BABAM2: variants seen among roughly 807,000 people sequenced by gnomAD.
BABAM2 encodes BRISC and BRCA1-A complex member 2.
BABAM2 carries 31 observed loss-of-function variants against 54.7 expected under a neutral mutation model. The ratio of observed to expected loss-of-function variants is 0.57; its 90% confidence interval spans 0.43 to 0.77. BABAM2 has a LOEUF of 0.77. Ranked by LOEUF, BABAM2 falls within the 30% of genes least tolerant of loss-of-function variation. The pLI, the probability that BABAM2 is intolerant of heterozygous loss-of-function variation, is 0.00. For synonymous variants in BABAM2, 167 were observed against 162.9 expected, an observed-to-expected ratio of 1.03 and a Z score of -0.19; for missense variants, 364 against 455.8, an observed-to-expected ratio of 0.80 and a Z score of 1.83.
At chr2:28,105,850 C>T (rs1055884564) in intron 6 of BABAM2, among the ~76,000 whole-genome samples, 3 of 151,652 alleles carry the variant, frequency 2.0e-5, no homozygotes, top group African/African-American at 7.3e-5. Context: ...GGGAATTATA[C>T]ATAATTTATC....
intron 6 of BABAM2, among the ~76,000 whole-genome samples, chr2:28,127,893 G>A (rs1227052173): frequency 1.4e-5 from 2 of 147,954 alleles, no homozygotes; most frequent in Non-Finnish European, 3.0e-5. Flanking sequence ...TGCAAGCTCC[G>A]CCTCCCGGGT....
intron 7 of BABAM2, among the ~76,000 whole-genome samples, chr2:28,212,390 T>C (rs1257181878): frequency 1.3e-5 from 2 of 152,178 alleles, no homozygotes; most frequent in Non-Finnish European, 2.9e-5. Flanking sequence ...TTTTCATCCA[T>C]AATACATTCT....
chr2:27,992,030 C>CT (rs796764936), intron 4 of BABAM2, among the ~76,000 whole-genome samples: 1 of 152,102 alleles, frequency 6.6e-6, no homozygotes, highest in Non-Finnish European at 1.5e-5. Flanking sequence ...GCTATTATGT[C>CT]TTTTTTATTA....
At chr2:28,002,492 A>G (rs1673644388) in intron 4 of BABAM2, among the ~76,000 whole-genome samples, 2 of 152,184 alleles carry the variant, frequency 1.3e-5, no homozygotes, top group East Asian at 1.9e-4. Context: ...TATATTTTGC[A>G]ATAAAGTTTT....
chr2:27,982,286 T>TC (rs1268638278), intron 3 of BABAM2, among the ~76,000 whole-genome samples: 13 of 152,108 alleles, frequency 8.5e-5, no homozygotes, highest in African/African-American at 3.1e-4. Flanking sequence ...CAAAATTATC[T>TC]CCCTGTGGAT....
rs146744707 is a variant in BABAM2 at position 27,982,844 on chromosome 2, T to TACACACACAC, written c.206-5119_206-5110dup. Among the ~76,000 whole-genome samples the TACACACACAC allele has an allele frequency of 5.6e-4, 71 of 127,228 alleles. 1 individual carries two copies. Among genetic ancestry groups the TACACACACAC allele is most frequent in the East Asian group, 5.2e-3 (23 of 4,414 alleles). 83.5% of individuals were successfully genotyped at this position (127,228 alleles called of 152,430 possible). A position where few individuals can be genotyped will look rare whatever the true frequency, so the allele number is the denominator to read the frequency against. On this transcript the variant is annotated intron_variant, in intron 3 of 11. Transcript: ENST00000379624. ...AGGCTGAATAATATTTCATTATGTG[T>TACACACACAC]ACACACACACACACACACACACACA...
chr2:27,905,450 G>A (rs999633381), intron 2 of BABAM2, among the ~76,000 whole-genome samples: 57 of 152,180 alleles, frequency 3.7e-4, no homozygotes, highest in African/African-American at 1.3e-3. Flanking sequence ...AATGGGGATG[G>A]CATTAATGAC....
At chr2:28,005,623 C>T (rs1225404806) in intron 4 of BABAM2, among the ~76,000 whole-genome samples, 1 of 152,106 alleles carries the variant, frequency 6.6e-6, no homozygotes, top group East Asian at 1.9e-4. Context: ...AGCTTCATGT[C>T]ATGGCTATAA....
At chr2:28,272,337 A>G (rs974157822) in intron 10 of BABAM2, among the ~76,000 whole-genome samples, 1 of 152,250 alleles carries the variant, frequency 6.6e-6, no homozygotes, top group Admixed American at 6.5e-5. Context: ...TAATTTGGAC[A>G]TGTCATGGGA....
intron 4 of BABAM2, among the ~76,000 whole-genome samples, chr2:28,004,958 G>A: frequency 6.6e-6 from 1 of 152,192 alleles, no homozygotes; most frequent in East Asian, 1.9e-4. Flanking sequence ...AAAGCAAAAT[G>A]TGTCTCAATG....
intron 7 of BABAM2, chr2:28,233,273 G>A: frequency 2.1e-6 from 1 of 471,224 alleles, no homozygotes; most frequent in Non-Finnish European, 4.4e-6. Flanking sequence ...GCCACTTAGT[G>A]GGTTAGTCAG....
chr2:27,935,175 C>A (rs1245930526), intron 3 of BABAM2, among the ~76,000 whole-genome samples: 1 of 152,174 alleles, frequency 6.6e-6, no homozygotes, highest in African/African-American at 2.4e-5. Context: ...AGCCAAGGAT[C>A]ATTTATCATT....
chr2:28,282,557 A>G (rs1053135060), intron 10 of BABAM2, among the ~76,000 whole-genome samples: 3 of 152,134 alleles, frequency 2.0e-5, no homozygotes, highest in Non-Finnish European at 4.4e-5. Flanking sequence ...TCCTGGCCCC[A>G]TCTCCTCACA....
chr2:27,890,556 C>T, upstream of BABAM2: 2 of 564,964 alleles, frequency 3.5e-6, no homozygotes, highest in South Asian at 4.2e-5. The surrounding 1 kb of genome is among the most constrained non-coding windows in gnomAD (Gnocchi z 4.8). Flanking sequence ...CGTAACAGGG[C>T]CCTCCTGATA....
At chr2:27,923,732 A>G (rs1335830990) in intron 2 of BABAM2, among the ~76,000 whole-genome samples, 1 of 152,232 alleles carries the variant, frequency 6.6e-6, no homozygotes, top group Non-Finnish European at 1.5e-5. Context: ...GCTCTTTGGG[A>G]GGCTGAGGCA....
intron 2 of BABAM2, among the ~76,000 whole-genome samples, chr2:27,902,924 T>TGTGA (rs1305244548): frequency 1.4e-3 from 214 of 150,076 alleles, no homozygotes; most frequent in East Asian, 9.2e-3. Context: ...TGTGTGTGTG[T>TGTGA]GAGAGAGAGA....
intron 6 of BABAM2, among the ~76,000 whole-genome samples, chr2:28,084,694 G>T (rs897026227): frequency 3.1e-4 from 47 of 152,076 alleles, no homozygotes; most frequent in African/African-American, 1.1e-3. Context: ...TTGATCCATG[G>T]AATGAATCCA....
intron 10 of BABAM2, among the ~76,000 whole-genome samples, chr2:28,267,010 G>T (rs1305360479): frequency 1.3e-5 from 2 of 152,134 alleles, no homozygotes; most frequent in Non-Finnish European, 2.9e-5. Flanking sequence ...ACAAAAATTA[G>T]CTGGGTGTGG....
At chr2:28,026,843 A>AATATATATATATAG (rs1207458158) in intron 5 of BABAM2, among the ~76,000 whole-genome samples, 1 of 40,650 alleles carries the variant, frequency 2.5e-5, no homozygotes, top group Admixed American at 3.5e-4. Context: ...AATATATATA[A>AATATATATATATAG]ATATATATTT....
Sources: gnomAD v4.1 joint callset for allele counts (sites outside exome capture counted in the v4.1 genomes callset) on GRCh38, gnomAD v4.1.1 for gene constraint, Gnocchi (gnomAD v3.1) non-coding constraint, MANE v1.5 for transcripts, NCBI Gene and HGNC (gene_info 2026-07-23, HGNC 2026-07-21) for gene names.